UBE2R2: variants seen among roughly 807,000 people sequenced by gnomAD.
The protein encoded by UBE2R2 is ubiquitin-conjugating enzyme E2 R2.
UBE2R2 carries 1 observed loss-of-function variant against 27.8 expected under a neutral mutation model. That is an observed-to-expected ratio of 0.04 (90% CI 0.01 to 0.17). The LOEUF (loss-of-function observed/expected upper bound fraction) is 0.17, where lower values mean the gene tolerates loss of function less well. Ranked by LOEUF, UBE2R2 falls within the 10% of genes least tolerant of loss-of-function variation. UBE2R2 has a pLI of 1.00. For synonymous variants in UBE2R2, 106 were observed against 113.3 expected (o/e 0.94, Z 0.41); for missense variants, 100 against 291.0 (o/e 0.34, Z 4.78).
At chr9:33,889,218 TAAC>T (rs1453803946) in intron 2 of UBE2R2, among the ~76,000 whole-genome samples, 1 of 152,114 alleles carries the variant, frequency 6.6e-6, no homozygotes, top group East Asian at 1.9e-4. Flanking sequence ...GATAATATAT[TAAC>T]AACAGAAATT....
chr9:33,829,771 G>A (rs565203864), intron 1 of UBE2R2, among the ~76,000 whole-genome samples: 1 of 146,668 alleles, frequency 6.8e-6, no homozygotes, highest in East Asian at 2.0e-4. Context: ...CTCTATTACA[G>A]CATCTTTAGA....
intron 1 of UBE2R2, among the ~76,000 whole-genome samples, chr9:33,826,515 G>C (rs10971717): frequency 6.6e-6 from 1 of 151,866 alleles, no homozygotes; most frequent in African/African-American, 2.4e-5. Context: ...TGGCTAACAC[G>C]GTCAAACCCC....
At chr9:33,877,010 G>A (rs1397741402) in intron 1 of UBE2R2, among the ~76,000 whole-genome samples, 2 of 151,974 alleles carry the variant, frequency 1.3e-5, no homozygotes, top group African/African-American at 4.8e-5. Context: ...CAGGCATGTT[G>A]GCACATGCCT....
chr9:33,836,742 G>C (rs1337043601), intron 1 of UBE2R2, among the ~76,000 whole-genome samples: 3 of 147,120 alleles, frequency 2.0e-5, no homozygotes, highest in Non-Finnish European at 4.4e-5. Flanking sequence ...GGGCAACAGA[G>C]CAAGACTCTT....
Position 33,877,186 on chromosome 9 carries a change from T to C in UBE2R2, c.178-9695T>C, listed in dbSNP as rs1312368954. Among the ~76,000 whole-genome samples, 3 of 149,908 alleles carry C rather than the reference T, an allele frequency of 2.0e-5. No homozygotes were observed. The East Asian group carries it at 5.9e-4, about 30-fold the overall frequency. ...TAAAACTACTTATGATTGAATTTTTTTTTTTTTTTTTTTGAGACGGAGTCT... is the reference window on the plus strand; with the variant it reads ...TAAAACTACTTATGATTGAATTTTTCTTTTTTTTTTTTTGAGACGGAGTCT... On this transcript the variant is annotated intron_variant, in intron 1 of 4. Transcript: ENST00000263228.
intron 1 of UBE2R2, among the ~76,000 whole-genome samples, chr9:33,862,533 C>T (rs1821262752): frequency 6.6e-6 from 1 of 151,998 alleles, no homozygotes; most frequent in Admixed American, 6.6e-5. Flanking sequence ...TCATTTTTTC[C>T]CACTAGTATG....
At chr9:33,875,248 A>G (rs865949042) in intron 1 of UBE2R2, among the ~76,000 whole-genome samples, 4 of 152,214 alleles carry the variant, frequency 2.6e-5, no homozygotes, top group Non-Finnish European at 5.9e-5. Flanking sequence ...TATCCAGTCA[A>G]TGTTTACATT....
chr9:33,821,948 A>G (rs1257544468), intron 1 of UBE2R2, among the ~76,000 whole-genome samples: 2 of 151,374 alleles, frequency 1.3e-5, no homozygotes, highest in African/African-American at 4.9e-5. Context: ...GATTTTATTA[A>G]ATAATTTGAT....
At position 33,817,318 on chromosome 9, in the gene UBE2R2, T is replaced by TGCGGCCCCC. The variant is rs1825811344; in HGVS notation, c.-438_-430dup. 7.8e-6 allele frequency among the ~76,000 whole-genome samples: 1 copy of TGCGGCCCCC among 128,538 alleles called. No homozygotes were observed. The highest frequency in any genetic ancestry group is 1.6e-5 in the Non-Finnish European group (1 of 60,668). The allele number at this position is 128,538 out of a possible 152,430, so 84.3% of individuals were successfully genotyped here. A position where few individuals can be genotyped will look rare whatever the true frequency, so the allele number is the denominator to read the frequency against. On this transcript the variant is annotated 5_prime_UTR_variant, in exon 1 of 5. Transcript: ENST00000263228. ...CCTGCCCCGCGCGCCCTCCGGCCCC[T>TGCGGCCCCC]GCGGCCCCCGAAGAGAACGAGAGGG...
chr9:33,847,747 A>ATTTTTTT (rs367991925), intron 1 of UBE2R2, among the ~76,000 whole-genome samples: 1 of 105,046 alleles, frequency 9.5e-6, no homozygotes, highest in African/African-American at 4.0e-5. Context: ...TTGACCTGAA[A>ATTTTTTT]TTTTTTTTTT....
At chr9:33,898,091 T>C (rs1407732875) in intron 2 of UBE2R2, among the ~76,000 whole-genome samples, 3 of 151,942 alleles carry the variant, frequency 2.0e-5, no homozygotes, top group African/African-American at 7.3e-5. Context: ...TTTTTGTTTT[T>C]TGTTTTTGTT....
At chr9:33,867,672 T>C (rs1023010017) in intron 1 of UBE2R2, among the ~76,000 whole-genome samples, 2 of 152,244 alleles carry the variant, frequency 1.3e-5, no homozygotes, top group African/African-American at 4.8e-5. Context: ...CATTTAGATA[T>C]CCTCTTTTGT....
intron 2 of UBE2R2, among the ~76,000 whole-genome samples, chr9:33,897,771 TTTTC>T (rs1822149482): frequency 7.1e-6 from 1 of 140,280 alleles, no homozygotes; most frequent in Non-Finnish European, 1.5e-5. Flanking sequence ...CTCTTTTCTT[TTTTC>T]TTTTTTTTTT....
At chr9:33,840,759 T>G (rs1246683220) in intron 1 of UBE2R2, among the ~76,000 whole-genome samples, 1 of 152,126 alleles carries the variant, frequency 6.6e-6, no homozygotes, top group Non-Finnish European at 1.5e-5. Context: ...TTGGAATACT[T>G]TTATTAAGAG....
At chr9:33,818,614 A>G (rs963354443) in intron 1 of UBE2R2, 4 of 151,180 alleles carry the variant, frequency 2.6e-5, no homozygotes, top group Admixed American at 2.0e-4. Context: ...TTCCGTTCAC[A>G]TTCTCTGCTT....
chr9:33,832,307 T>G (rs998008691), intron 1 of UBE2R2, among the ~76,000 whole-genome samples: 1 of 80,282 alleles, frequency 1.2e-5, no homozygotes, highest in African/African-American at 4.5e-5. Context: ...AAAATCTATC[T>G]CAAAAAAAAA....
intron 3 of UBE2R2, among the ~76,000 whole-genome samples, chr9:33,904,372 A>G (rs1173233385): frequency 6.6e-6 from 1 of 152,178 alleles, no homozygotes; most frequent in East Asian, 1.9e-4. Flanking sequence ...GGCTGTAGTA[A>G]GACAGCAGTG....
At chr9:33,835,749 G>C (rs1820601682) in intron 1 of UBE2R2, among the ~76,000 whole-genome samples, 1 of 151,614 alleles carries the variant, frequency 6.6e-6, no homozygotes, top group Non-Finnish European at 1.5e-5. Flanking sequence ...CAGGCCTGGT[G>C]GCACGCACCT....
At chr9:33,878,222 G>A (rs1239338336) in intron 1 of UBE2R2, among the ~76,000 whole-genome samples, 2 of 152,112 alleles carry the variant, frequency 1.3e-5, no homozygotes, top group Non-Finnish European at 2.9e-5. Flanking sequence ...AATACGCAGC[G>A]GCTCACATCT....
Sources: gnomAD v4.1 joint callset for allele counts (sites outside exome capture counted in the v4.1 genomes callset) on GRCh38, gnomAD v4.1.1 for gene constraint, MANE v1.5 for transcripts, NCBI Gene and HGNC (gene_info 2026-07-23, HGNC 2026-07-21) for gene names.